The following CNIH3 variants were observed in gnomAD, a reference collection of about 807,000 sequenced individuals.
The protein encoded by CNIH3 is protein cornichon homolog 3.
A neutral mutation model predicts 24.1 loss-of-function variants in CNIH3; 14 were observed. That is an observed-to-expected ratio of 0.58 (90% confidence interval 0.38 to 0.91). The LOEUF (loss-of-function observed/expected upper bound fraction) is 0.91, where lower values mean the gene tolerates loss of function less well. Ranked by LOEUF, CNIH3 falls within the 40% of genes least tolerant of loss-of-function variation. The probability of loss-of-function intolerance (pLI) is 0.00; values close to 1 mark genes in which losing one functional copy is unlikely to be tolerated. For missense variants in CNIH3, 178 were observed against 196.8 expected (o/e 0.90, Z 0.57); for synonymous variants, 68 against 73.8 (o/e 0.92, Z 0.40).
chr1:224,587,629 T>C (rs1012894055), intron 5 of CNIH3, among the ~76,000 whole-genome samples: 1 of 152,168 alleles, frequency 6.6e-6, no homozygotes, highest in Non-Finnish European at 1.5e-5. Context: ...TGCGTATATG[T>C]GTATGTTGTC....
At position 224,661,524 on chromosome 1, in the gene CNIH3, G is replaced by A. The variant is rs1050354279; in HGVS notation, c.82-19434G>A. 105 of 325,862 alleles carry A rather than the reference G, an allele frequency of 3.2e-4. 2 individuals carry two copies. Among genetic ancestry groups the A allele is most frequent in the African/African-American group, 2.2e-3 (99 of 45,068 alleles). The allele number at this position is 325,862 out of a possible 1,614,324, so 20.2% of individuals were successfully genotyped here. On this transcript the variant is annotated intron_variant, in intron 1 of 5. Transcript: ENST00000272133. ...CTTGGGGACCCCTTTGATTCCCAAA[G>A]AAGTCCTCAAATAGATTTTCAAAGT...
At position 224,739,702 on chromosome 1, in the gene CNIH3, G is replaced by A; in HGVS notation, c.*346G>A. The A allele has an allele frequency of 2.9e-6, 1 of 340,284 alleles. No individual in the cohort carries two copies. Among genetic ancestry groups the A allele is most frequent in the South Asian group, 6.1e-5 (1 of 16,354 alleles). The allele number at this position is 340,284 out of a possible 1,614,324, so 21.1% of individuals were successfully genotyped here. On this transcript the variant is annotated 3_prime_UTR_variant, in exon 6 of 6. Coordinates refer to ENST00000272133, the MANE Select transcript of CNIH3 (RefSeq NM_152495.2). ...AATCCACTTCATTGAACAGCACCTTGCAAGTTCAAATGAGTTCCTGGGAGC... is the reference window on the plus strand; with the variant it reads ...AATCCACTTCATTGAACAGCACCTTACAAGTTCAAATGAGTTCCTGGGAGC...
At chr1:224,523,823 C>T (rs1405681870) in intron 2 of CNIH3, among the ~76,000 whole-genome samples, 1 of 152,116 alleles carries the variant, frequency 6.6e-6, no homozygotes, top group African/African-American at 2.4e-5. Flanking sequence ...GGGCAAGAGG[C>T]ACATTAGTAG....
At position 224,703,454 on chromosome 1, in the gene CNIH3, A is replaced by G. The variant is rs1049741624; in HGVS notation, c.198+18611A>G. On this transcript the variant is annotated intron_variant, in intron 3 of 5. Coordinates refer to ENST00000272133, the MANE Select transcript of CNIH3 (RefSeq NM_152495.2). This position sits in a 1 kb window ranked among gnomAD's most constrained non-coding sequence, Gnocchi z 4.2. ...CATAATCTCTGGGGTGAGACTCAGC[A>G]TCAGTATTTTACAAAGCTCCCCAAG... 2.6e-5 allele frequency among the ~76,000 whole-genome samples: 4 copies of G among 152,184 alleles called. No homozygotes were observed. The highest frequency in any genetic ancestry group is 4.1e-4 in the South Asian group (2 of 4,826).
chr1:224,439,645 C>T (rs1170174951), intron 1 of CNIH3, among the ~76,000 whole-genome samples: 1 of 152,194 alleles, frequency 6.6e-6, no homozygotes, highest in African/African-American at 2.4e-5. Context: ...TGGAGTCTCG[C>T]TCTGTCGCCA....
intron 3 of CNIH3, among the ~76,000 whole-genome samples, chr1:224,610,422 A>T (rs542910199): frequency 2.6e-5 from 4 of 152,312 alleles, no homozygotes; most frequent in African/African-American, 4.8e-5. Flanking sequence ...AGTTCTCACA[A>T]GATCTGATGG....
intron 2 of CNIH3, among the ~76,000 whole-genome samples, chr1:224,527,575 C>T (rs1678893534): frequency 6.6e-6 from 1 of 152,162 alleles, no homozygotes; most frequent in Non-Finnish European, 1.5e-5. Context: ...TATAGCACAA[C>T]ATGATTTTAC....
At chr1:224,609,912 A>G (rs1398989760) in intron 3 of CNIH3, among the ~76,000 whole-genome samples, 1 of 152,180 alleles carries the variant, frequency 6.6e-6, no homozygotes, top group African/African-American at 2.4e-5. Context: ...TTGTGTGGGT[A>G]CACTTTACAG....
chr1:224,687,398 G>A (rs557555803), intron 3 of CNIH3, among the ~76,000 whole-genome samples: 7 of 152,096 alleles, frequency 4.6e-5, no homozygotes, highest in South Asian at 4.2e-4. Flanking sequence ...ATGCCTGGCC[G>A]ACTTTTTTAT....
At chr1:224,440,431 G>T (rs1195723102) in intron 1 of CNIH3, among the ~76,000 whole-genome samples, 2 of 151,998 alleles carry the variant, frequency 1.3e-5, no homozygotes, top group African/African-American at 2.4e-5. Flanking sequence ...ACCCTATGTT[G>T]CCAAGGCTGA....
intron 1 of CNIH3, among the ~76,000 whole-genome samples, chr1:224,679,217 G>A (rs1336368644): frequency 6.6e-6 from 1 of 151,734 alleles, no homozygotes; most frequent in Non-Finnish European, 1.5e-5. Flanking sequence ...GCACACGCCT[G>A]TAATCCTAGC....
At chr1:224,516,148 C>T (rs924459816) in intron 1 of CNIH3, among the ~76,000 whole-genome samples, 1 of 151,646 alleles carries the variant, frequency 6.6e-6, no homozygotes, top group African/African-American at 2.4e-5. Context: ...AACCCTGTCT[C>T]TACTAAAAAT....
chr1:224,438,551 G>T (rs2102940720), intron 1 of CNIH3, among the ~76,000 whole-genome samples: 1 of 152,300 alleles, frequency 6.6e-6, no homozygotes, highest in African/African-American at 2.4e-5. Flanking sequence ...TATTTAATTT[G>T]TTAAATTTTT....
intron 5 of CNIH3, among the ~76,000 whole-genome samples, chr1:224,737,378 C>G (rs1249750461): frequency 6.6e-6 from 1 of 152,194 alleles, no homozygotes; most frequent in Non-Finnish European, 1.5e-5. Flanking sequence ...GTGTTAATCA[C>G]TCTGTTTCTA....
At chr1:224,711,475 C>G (rs745840565) in intron 3 of CNIH3, among the ~76,000 whole-genome samples, 3 of 151,888 alleles carry the variant, frequency 2.0e-5, no homozygotes, top group Non-Finnish European at 4.4e-5. Flanking sequence ...CATGAGCCAC[C>G]GTGCCTAGCT....
intron 1 of CNIH3, among the ~76,000 whole-genome samples, chr1:224,623,186 C>G (rs958068730): frequency 5.3e-5 from 8 of 152,188 alleles, no homozygotes; most frequent in African/African-American, 1.9e-4. Flanking sequence ...CCGCACTCTG[C>G]TGCCCCAGGG....
chr1:224,451,425 T>C (rs974175197), intron 1 of CNIH3, among the ~76,000 whole-genome samples: 1 of 152,210 alleles, frequency 6.6e-6, no homozygotes, highest in Non-Finnish European at 1.5e-5. Flanking sequence ...TATTGGAAAC[T>C]AGATCTGTTC....
chr1:224,442,400 C>T (rs999731250), intron 1 of CNIH3, among the ~76,000 whole-genome samples: 13 of 152,180 alleles, frequency 8.5e-5, no homozygotes, highest in African/African-American at 3.1e-4. Flanking sequence ...GCTCTGACCC[C>T]TTATTTCAGA....
chr1:224,526,206 G>C (rs1352450911), intron 2 of CNIH3, among the ~76,000 whole-genome samples: 2 of 152,168 alleles, frequency 1.3e-5, no homozygotes, highest in East Asian at 3.8e-4. Flanking sequence ...TGGCTAACCA[G>C]GCAAAAGTAG....
Sources: allele counts gnomAD v4.1 joint callset (sites outside exome capture counted in the v4.1 genomes callset), GRCh38; gene constraint gnomAD v4.1.1; non-coding constraint Gnocchi (gnomAD v3.1); transcripts MANE v1.5; gene names NCBI Gene and HGNC (gene_info 2026-07-23, HGNC 2026-07-21).